The following SMOC2 variants were observed in gnomAD, a reference collection of about 807,000 sequenced individuals.
SMOC2 encodes the protein SPARC related modular calcium binding 2, also known as SPARC-related modular calcium-binding protein 2.
A neutral mutation model predicts 61.4 loss-of-function variants in SMOC2; 39 were observed. The observed-to-expected ratio is 0.64, with a 90% confidence interval of 0.49 to 0.83. The LOEUF is 0.83. SMOC2 is among the 40% of genes least tolerant of loss of function. SMOC2 has a pLI of 0.00. For missense variants in SMOC2, 556 were observed against 592.9 expected, an observed-to-expected ratio of 0.94 and a Z score of 0.65; for synonymous variants, 247 against 239.9, an observed-to-expected ratio of 1.03 and a Z score of -0.27.
intron 7 of SMOC2, 40 bp from the exon 8 acceptor site, chr6:168,598,778 G>A (rs368610029): frequency 5.6e-6 from 9 of 1,607,174 alleles, no homozygotes; most frequent in African/African-American, 5.4e-5. Flanking sequence ...GGACGACGTC[G>A]CTGGATCCTG....
intron 9 of SMOC2, among the ~76,000 whole-genome samples, chr6:168,647,827 C>T (rs1403063623): frequency 6.6e-6 from 1 of 152,170 alleles, no homozygotes; most frequent in East Asian, 1.9e-4. Context: ...CGTCCGTCAT[C>T]AGTAACAAGC....
chr6:168,487,115 A>G (rs777939785), intron 1 of SMOC2, among the ~76,000 whole-genome samples: 5 of 152,270 alleles, frequency 3.3e-5, no homozygotes, highest in Admixed American at 6.5e-5. Context: ...TCAGCACTCA[A>G]ACGTCCCCCT....
intron 1 of SMOC2, among the ~76,000 whole-genome samples, chr6:168,499,130 G>A (rs531880907): frequency 8.2e-4 from 123 of 150,510 alleles, no homozygotes; most frequent in Non-Finnish European, 1.4e-3. Flanking sequence ...TCTCTGGGGG[G>A]ACAGCCAGGG....
chr6:168,649,850 G>A (rs559162556), intron 9 of SMOC2, among the ~76,000 whole-genome samples: 8 of 152,322 alleles, frequency 5.3e-5, no homozygotes, highest in East Asian at 3.9e-4. Flanking sequence ...ATAAGGACAC[G>A]GGATGCTGCC....
intron 1 of SMOC2, among the ~76,000 whole-genome samples, chr6:168,447,232 A>G (rs1781350949): frequency 6.6e-6 from 1 of 151,776 alleles, no homozygotes; most frequent in African/African-American, 2.4e-5. Flanking sequence ...ACGCCTGGCT[A>G]ATTTTTTGTA....
chr6:168,490,744 A>C (rs1202209131), intron 1 of SMOC2, among the ~76,000 whole-genome samples: 1 of 152,180 alleles, frequency 6.6e-6, no homozygotes, highest in Non-Finnish European at 1.5e-5. Context: ...CTTGACATCT[A>C]TTGGGACATC....
At chr6:168,521,660 A>G (rs1048421535) in intron 2 of SMOC2, among the ~76,000 whole-genome samples, 7 of 152,118 alleles carry the variant, frequency 4.6e-5, no homozygotes, top group Non-Finnish European at 8.8e-5. Context: ...AGGCGGGAGG[A>G]TTGCTTGACA....
At chr6:168,472,771 T>C (rs1288284189) in intron 1 of SMOC2, among the ~76,000 whole-genome samples, 1 of 152,160 alleles carries the variant, frequency 6.6e-6, no homozygotes, top group Non-Finnish European at 1.5e-5. Context: ...AGTTAGATTT[T>C]TTAGAATCAA....
At chr6:168,664,265 A>C in intron 12 of SMOC2, 154 bp downstream of exon 12, 1 of 701,792 alleles carries the variant, frequency 1.4e-6, no homozygotes, top group Non-Finnish European at 2.5e-6. Flanking sequence ...ACTACACCCT[A>C]TGGGGACTAA....
Position 168,544,940 on chromosome 6 carries a change from A to C in SMOC2, c.511+1268A>C, listed in dbSNP as rs1005670976. On this transcript the variant is annotated intron_variant, in intron 5 of 12. Coordinates refer to ENST00000356284, the MANE Select transcript of SMOC2 (RefSeq NM_001166412.2). The surrounding 1 kb of genome is among the most constrained non-coding windows in gnomAD (Gnocchi z 4.1). ...ATGTAACAGGTGTGAGCTGGAACAG[A>C]AGAAGCCTCACAGTCAAGGAAGATA... 5.3e-5 allele frequency among the ~76,000 whole-genome samples: 8 copies of C among 152,174 alleles called. No individual in the cohort carries two copies. Among genetic ancestry groups the C allele is most frequent in the African/African-American group, 1.9e-4 (8 of 41,428 alleles).
intron 1 of SMOC2, among the ~76,000 whole-genome samples, chr6:168,461,002 A>G (rs1781709306): frequency 6.6e-6 from 1 of 152,204 alleles, no homozygotes; most frequent in African/African-American, 2.4e-5. Context: ...GGCTTTAGGC[A>G]GTATTTTGGT....
At chr6:168,624,971 A>ACACCAC (rs1223016924) in intron 9 of SMOC2, among the ~76,000 whole-genome samples, 2 of 152,068 alleles carry the variant, frequency 1.3e-5, no homozygotes, top group East Asian at 1.9e-4. Flanking sequence ...AGACACATGC[A>ACACCAC]CACCACCACC....
At chr6:168,658,865 C>G (rs1263654663) in intron 11 of SMOC2, among the ~76,000 whole-genome samples, 2 of 147,322 alleles carry the variant, frequency 1.4e-5, no homozygotes, top group Non-Finnish European at 3.0e-5. Flanking sequence ...CAGGACACAG[C>G]TCAGACTGTG....
intron 2 of SMOC2, among the ~76,000 whole-genome samples, chr6:168,522,713 A>T (rs1783357449): frequency 6.6e-6 from 1 of 152,166 alleles, no homozygotes; most frequent in South Asian, 2.1e-4. Flanking sequence ...CTCGTGTATG[A>T]TTACATTGAT....
At chr6:168,542,402 CAGG>C (rs1232530774) in intron 4 of SMOC2, among the ~76,000 whole-genome samples, 9 of 152,200 alleles carry the variant, frequency 5.9e-5, no homozygotes, top group African/African-American at 2.2e-4. Flanking sequence ...GCAGATGAAC[CAGG>C]AGAATTGTGT....
rs1308804373 is a variant in SMOC2, at chr6:168,592,305, C to T, written c.638-6513C>T. Reference sequence around the variant, plus strand: ...GAGGATCGTGGAGCTCCTCCTCCTCCCTGAGGCCTCACGGGCGTCTTTCTA... The same window carrying T: ...GAGGATCGTGGAGCTCCTCCTCCTCTCTGAGGCCTCACGGGCGTCTTTCTA... On this transcript the variant is annotated intron_variant, in intron 7 of 12. Transcript: ENST00000356284. Among the ~76,000 whole-genome samples, 7 of 148,108 alleles carry T rather than the reference C, an allele frequency of 4.7e-5. 1 individual carries two copies. The highest frequency in any genetic ancestry group is 1.7e-4 in the African/African-American group (7 of 40,236).
In SMOC2 at chr6:168,666,851, A is replaced by G. The variant is rs909040626; in HGVS notation, c.*413A>G. 4 of 169,600 alleles carry G rather than the reference A, an allele frequency of 2.4e-5. No homozygotes were observed. Among genetic ancestry groups the G allele is most frequent in the Non-Finnish European group, 5.0e-5 (4 of 79,410 alleles). The allele number at this position is 169,600 out of a possible 1,614,324, so 10.5% of individuals were successfully genotyped here. On this transcript the variant is annotated 3_prime_UTR_variant, in exon 13 of 13. Transcript: ENST00000356284. ...ATCATGTTGGAAGCTCCACATGTCCATGGAAGTTTGTGATGTACGGCCGAC... is the reference window on the plus strand; with the variant it reads ...ATCATGTTGGAAGCTCCACATGTCCGTGGAAGTTTGTGATGTACGGCCGAC...
In SMOC2 at chr6:168,535,920, G is replaced by A. The variant is rs768478229; in HGVS notation, c.464-7705G>A. Among the ~76,000 whole-genome samples the A allele has an allele frequency of 6.6e-6, 1 of 152,178 alleles. No homozygotes were observed. The highest frequency in any genetic ancestry group is 2.1e-4 in the South Asian group (1 of 4,836). Reference sequence around the variant, plus strand: ...AGGGAGACGCATGAGCAGTGACAGGGATCCTGGGGACACGTGAGGAATAAC... The same window carrying A: ...AGGGAGACGCATGAGCAGTGACAGGAATCCTGGGGACACGTGAGGAATAAC... On this transcript the variant is annotated intron_variant, in intron 4 of 12. Coordinates refer to ENST00000356284, the MANE Select transcript of SMOC2 (RefSeq NM_001166412.2). The surrounding 1 kb of genome is among the most constrained non-coding windows in gnomAD (Gnocchi z 4.6).
intron 7 of SMOC2, among the ~76,000 whole-genome samples, chr6:168,584,760 A>G (rs1785008826): frequency 6.6e-6 from 1 of 152,092 alleles, no homozygotes; most frequent in South Asian, 2.1e-4. Context: ...GATGTTGTTT[A>G]TGGAGAGCAT....
Sources: gnomAD v4.1 joint callset for allele counts (sites outside exome capture counted in the v4.1 genomes callset) on GRCh38, gnomAD v4.1.1 for gene constraint, Gnocchi (gnomAD v3.1) non-coding constraint, MANE v1.5 for transcripts, NCBI Gene and HGNC (gene_info 2026-07-23, HGNC 2026-07-21) for gene names.